The following CCDC178 variants were observed in gnomAD, a reference collection of about 807,000 sequenced individuals.
CCDC178 encodes the protein coiled-coil domain containing 178, also known as coiled-coil domain-containing protein 178.
A neutral mutation model predicts 117.4 loss-of-function variants in CCDC178; 126 were observed. That is an observed-to-expected ratio of 1.07 (90% CI 0.93 to 1.24). The LOEUF is 1.24. CCDC178 is among the 50% of genes most tolerant of loss of function. The probability of loss-of-function intolerance (pLI) is 0.00; values close to 1 mark genes in which losing one functional copy is unlikely to be tolerated. For synonymous variants in CCDC178, 283 were observed against 313.4 expected, an observed-to-expected ratio of 0.90 and a Z score of 1.02; for missense variants, 1,030 against 986.9, an observed-to-expected ratio of 1.04 and a Z score of -0.59.
chr18:33,225,534 T>G (rs916701317), intron 16 of CCDC178, among the ~76,000 whole-genome samples: 2 of 152,140 alleles, frequency 1.3e-5, no homozygotes, highest in African/African-American at 2.4e-5. Context: ...ACAATAAAAA[T>G]CAAACATTTA....
chr18:33,148,081 G>T (rs534231874), intron 20 of CCDC178, among the ~76,000 whole-genome samples: 79 of 152,276 alleles, frequency 5.2e-4, no homozygotes, highest in African/African-American at 1.8e-3. Flanking sequence ...GCGGCTGGGA[G>T]GTGGAGGTTG....
In CCDC178 at chr18:33,266,977, T is replaced by C. The variant is rs2144767885; in HGVS notation, c.1348A>G (p.Thr450Ala). ...ATCTCAAGTTTTTTATTGTCTTCCG[T>C]CAGTTTTGTACATGCCAAAGAAATA... is the stretch of plus-strand genomic sequence containing the variant. ...SAISLACTKLTEDNKKLEIDI... is the reference protein window; with the variant it reads ...SAISLACTKLAEDNKKLEIDI... The change falls in exon 14 of 23, where the codon ACG becomes GCG. Residue 450 changes from threonine to alanine, a missense_variant. Coordinates refer to ENST00000383096, the MANE Select transcript of CCDC178 (RefSeq NM_001105528.4). The C allele has an allele frequency of 1.2e-6, 2 of 1,601,114 alleles. No individual in the cohort carries two copies. Among genetic ancestry groups the C allele is most frequent in the African/African-American group, 1.3e-5 (1 of 74,124 alleles).
intron 9 of CCDC178, among the ~76,000 whole-genome samples, chr18:33,333,867 C>T (rs1307238985): frequency 6.6e-6 from 1 of 152,048 alleles, no homozygotes; most frequent in African/African-American, 2.4e-5. Context: ...TTTCTTAATT[C>T]ATCATCAAAA....
At chr18:33,368,205 G>T (rs1568180094) in intron 6 of CCDC178, among the ~76,000 whole-genome samples, 1 of 151,756 alleles carries the variant, frequency 6.6e-6, no homozygotes, top group Non-Finnish European at 1.5e-5. Flanking sequence ...TTCTATAAAG[G>T]GCAAAACAAT....
rs146432610 is a variant in CCDC178, at chr18:33,425,081, G to A, written c.-22-12971C>T. Among the ~76,000 whole-genome samples the A allele has an allele frequency of 3.0e-3, 457 of 152,210 alleles. 1 individual carries two copies. Among genetic ancestry groups the A allele is most frequent in the African/African-American group, 0.01 (435 of 41,530 alleles). On this transcript the variant is annotated intron_variant, in intron 2 of 22. Coordinates refer to ENST00000383096, the MANE Select transcript of CCDC178 (RefSeq NM_001105528.4). ...CGTATGTAACAAACCTGTAAGTTCT[G>A]TACATGTATCCTGGAACTGAAAGTA...
Position 32,974,675 on chromosome 18 carries a change from G to A in CCDC178, c.2395C>T (p.Gln799Ter). 6.2e-7 allele frequency: 1 copy of A among 1,612,776 alleles called. No individual in the cohort carries two copies. The highest frequency in any genetic ancestry group is 8.5e-7 in the Non-Finnish European group (1 of 1,179,686). Residue 799 changes from glutamine to a stop codon, truncating the protein, a stop_gained, in exon 22 of 23, where the codon CAG becomes TAG. Transcript: ENST00000383096. LOFTEE classifies it high-confidence loss of function. ...AGTGTGTGCATCCTTCTCTGCAGCTGACAGAGCTAAAGGGAAGAGGGAGGG... is the reference window on the plus strand; with the variant it reads ...AGTGTGTGCATCCTTCTCTGCAGCTAACAGAGCTAAAGGGAAGAGGGAGGG... ...TSIRDKKQLC[Q>*]LQRRMHTLWQ...
At chr18:33,258,561 A>C (rs1053094130) in intron 14 of CCDC178, among the ~76,000 whole-genome samples, 1 of 152,170 alleles carries the variant, frequency 6.6e-6, no homozygotes, top group African/African-American at 2.4e-5. Flanking sequence ...CAATGACTAC[A>C]ATTTTAACTA....
At chr18:33,440,766 G>T (rs1206521905), upstream of CCDC178, 2 of 154,406 alleles carry the variant, frequency 1.3e-5, no homozygotes, top group African/African-American at 2.4e-5. Context: ...CCGCGGGGGC[G>T]GCGGCGGCGG....
At chr18:33,198,360 A>C (rs1024744598) in intron 20 of CCDC178, among the ~76,000 whole-genome samples, 2 of 152,282 alleles carry the variant, frequency 1.3e-5, no homozygotes, top group South Asian at 2.1e-4. Flanking sequence ...AACTAAAAAC[A>C]ATTTCCTGGC....
At chr18:33,037,007 G>A (rs1033590944) in intron 21 of CCDC178, among the ~76,000 whole-genome samples, 14 of 152,002 alleles carry the variant, frequency 9.2e-5, no homozygotes, top group African/African-American at 3.1e-4. Flanking sequence ...AGAAGACTAA[G>A]AGCAAGACAG....
chr18:33,364,787 G>A (rs1276975289), intron 6 of CCDC178, among the ~76,000 whole-genome samples: 1 of 132,476 alleles, frequency 7.5e-6, no homozygotes, highest in African/African-American at 3.0e-5. Context: ...AGAAGATTTA[G>A]AGGTTTGAAC....
chr18:33,075,901 G>A (rs887918115), intron 21 of CCDC178, among the ~76,000 whole-genome samples: 3 of 152,116 alleles, frequency 2.0e-5, no homozygotes, highest in Non-Finnish European at 4.4e-5. Flanking sequence ...CCCAGGAGGC[G>A]GAGGTTGTAG....
At chr18:33,410,466 T>C (rs1426802862) in intron 3 of CCDC178, among the ~76,000 whole-genome samples, 1 of 152,128 alleles carries the variant, frequency 6.6e-6, no homozygotes, top group Non-Finnish European at 1.5e-5. Flanking sequence ...TTTCAATTAA[T>C]GTTGATAGAA....
intron 21 of CCDC178, among the ~76,000 whole-genome samples, chr18:32,986,674 G>C (rs983548594): frequency 6.6e-6 from 1 of 151,892 alleles, no homozygotes; most frequent in Non-Finnish European, 1.5e-5. Context: ...GTTGCAAGAA[G>C]GAATGGTGAA....
chr18:33,363,329 A>G (rs1262487809), intron 6 of CCDC178, among the ~76,000 whole-genome samples: 2 of 152,006 alleles, frequency 1.3e-5, no homozygotes, highest in African/African-American at 2.4e-5. Flanking sequence ...AAATGCAAAG[A>G]AGCTTCTGAG....
chr18:33,182,970 C>T (rs1311913354), intron 20 of CCDC178, among the ~76,000 whole-genome samples: 1 of 151,936 alleles, frequency 6.6e-6, no homozygotes, highest in Non-Finnish European at 1.5e-5. Flanking sequence ...TTACATCACA[C>T]CAATACTTGT....
At chr18:33,033,366 G>A (rs1037351673) in intron 21 of CCDC178, among the ~76,000 whole-genome samples, 1 of 151,936 alleles carries the variant, frequency 6.6e-6, no homozygotes, top group African/African-American at 2.4e-5. Flanking sequence ...AAAAGCCCTT[G>A]AATAAAATGT....
chr18:33,239,574 C>T (rs1219242644), intron 15 of CCDC178, among the ~76,000 whole-genome samples: 1 of 148,284 alleles, frequency 6.7e-6, no homozygotes, highest in African/African-American at 2.5e-5. Context: ...TTATATCAGA[C>T]AAATCAGACT....
At chr18:32,953,385 T>C (rs2054530716) in intron 22 of CCDC178, among the ~76,000 whole-genome samples, 1 of 152,206 alleles carries the variant, frequency 6.6e-6, no homozygotes, top group African/African-American at 2.4e-5. Flanking sequence ...TCCTATCTTC[T>C]GAGCCCTCCA....
Sources: allele counts gnomAD v4.1 joint callset (sites outside exome capture counted in the v4.1 genomes callset), GRCh38; gene constraint gnomAD v4.1.1; transcripts MANE v1.5; gene names NCBI Gene and HGNC (gene_info 2026-07-23, HGNC 2026-07-21).